The following AKAP19 variants were observed in gnomAD, a reference collection of about 807,000 sequenced individuals.
The protein encoded by AKAP19 is A-kinase anchoring protein 19, also known as small A-kinase anchoring protein.
chr2:190,106,294 G>A, the AKAP19 span, among the ~76,000 whole-genome samples: 1 of 152,172 alleles, frequency 6.6e-6, no homozygotes, highest in African/African-American at 2.4e-5. Context: ...TTTTGTCACT[G>A]GAGGTTGCTA....
chr2:190,193,092 A>G, the AKAP19 span, among the ~76,000 whole-genome samples: 14 of 152,162 alleles, frequency 9.2e-5, no homozygotes, highest in Non-Finnish European at 1.3e-4. Context: ...TCATAGGGAA[A>G]AAGTGTTGTC....
At chr2:190,196,926 A>G in the AKAP19 span, among the ~76,000 whole-genome samples, 3 of 152,120 alleles carry the variant, frequency 2.0e-5, no homozygotes, top group East Asian at 3.9e-4. Flanking sequence ...GTGTTTATCA[A>G]TCAGTCACAC....
the AKAP19 span, among the ~76,000 whole-genome samples, chr2:190,069,605 C>A: frequency 6.6e-6 from 1 of 152,054 alleles, no homozygotes; most frequent in Non-Finnish European, 1.5e-5. Flanking sequence ...TGTTTTATTT[C>A]CTTGGAATTG....
chr2:190,023,466 A>G, the AKAP19 span, among the ~76,000 whole-genome samples: 1 of 152,086 alleles, frequency 6.6e-6, no homozygotes, highest in African/African-American at 2.4e-5. Context: ...TTAAAATAAA[A>G]TCTGAAGCTT....
At chr2:190,022,904 T>C in the AKAP19 span, among the ~76,000 whole-genome samples, 1 of 152,030 alleles carries the variant, frequency 6.6e-6, no homozygotes, top group Admixed American at 6.6e-5. Context: ...ATAGGTGAGA[T>C]GTTAGAGTGG....
chr2:190,017,177 T>G, the AKAP19 span, among the ~76,000 whole-genome samples: 3 of 152,134 alleles, frequency 2.0e-5, no homozygotes, highest in South Asian at 2.1e-4. Context: ...TCCTGAAAGG[T>G]GAGGAGAGTT....
the AKAP19 span, among the ~76,000 whole-genome samples, chr2:189,929,561 T>A: frequency 1.3e-5 from 2 of 152,186 alleles, no homozygotes; most frequent in Admixed American, 6.5e-5. Context: ...TGACACTTTT[T>A]TTTTTTAATA....
chr2:190,080,971 G>A, the AKAP19 span, among the ~76,000 whole-genome samples: 6 of 152,140 alleles, frequency 3.9e-5, no homozygotes, highest in Non-Finnish European at 8.8e-5. Flanking sequence ...ATCTTCACTA[G>A]GGGATCAGGT....
the AKAP19 span, among the ~76,000 whole-genome samples, chr2:189,899,331 A>G: frequency 6.6e-6 from 1 of 152,222 alleles, no homozygotes; most frequent in Non-Finnish European, 1.5e-5. Flanking sequence ...CAGTTTGCAA[A>G]GTATTTTCAT....
the AKAP19 span, among the ~76,000 whole-genome samples, chr2:189,965,228 G>A: frequency 6.6e-6 from 1 of 152,062 alleles, no homozygotes; most frequent in Non-Finnish European, 1.5e-5. Context: ...TATTAATTAA[G>A]TTTGCCGTCT....
At chr2:189,880,636 A>G in the AKAP19 span, among the ~76,000 whole-genome samples, 1 of 152,228 alleles carries the variant, frequency 6.6e-6, no homozygotes, top group South Asian at 2.1e-4. Context: ...TTTTATCTGT[A>G]GCTATCTGCT....
chr2:190,139,834 A>G, the AKAP19 span, among the ~76,000 whole-genome samples: 2 of 152,054 alleles, frequency 1.3e-5, no homozygotes, highest in African/African-American at 4.8e-5. Context: ...TCAAAACACA[A>G]TCATGCCTTC....
At chr2:190,180,845 A>G in the AKAP19 span, 6 of 985,148 alleles carry the variant, frequency 6.1e-6, no homozygotes, top group African/African-American at 8.7e-5. The surrounding 1 kb of genome is among the most constrained non-coding windows in gnomAD (Gnocchi z 6.8). Flanking sequence ...GGCGCCGCCG[A>G]AGGACGCCCC....
chr2:190,200,392 A>G, the AKAP19 span: 7 of 428,932 alleles, frequency 1.6e-5, no homozygotes, highest in African/African-American at 9.9e-5. Flanking sequence ...GTGACACCCA[A>G]TAATCAGCTG....
chr2:189,961,929 TCA>T, the AKAP19 span, among the ~76,000 whole-genome samples: 1 of 151,298 alleles, frequency 6.6e-6, no homozygotes, highest in African/African-American at 2.4e-5. Context: ...AAAAAAAGTA[TCA>T]GACTCACCGA....
the AKAP19 span, among the ~76,000 whole-genome samples, chr2:190,028,072 C>A: frequency 6.6e-6 from 1 of 152,090 alleles, no homozygotes; most frequent in African/African-American, 2.4e-5. Flanking sequence ...CTGCACATAT[C>A]TCCCTGACTT....
At chr2:190,110,196 G>A in the AKAP19 span, among the ~76,000 whole-genome samples, 13 of 152,278 alleles carry the variant, frequency 8.5e-5, no homozygotes, top group Non-Finnish European at 1.5e-4. Flanking sequence ...ATGCTGCTTC[G>A]TAAGTGTCAC....
At chr2:190,200,075 AT>A in the AKAP19 span, 2 of 1,614,102 alleles carry the variant, frequency 1.2e-6, no homozygotes, top group Non-Finnish European at 1.7e-6. Flanking sequence ...ATCTTGTGTG[AT>A]GCCTTGCAGC....
the AKAP19 span, among the ~76,000 whole-genome samples, chr2:190,119,606 A>C: frequency 6.6e-6 from 1 of 152,138 alleles, no homozygotes; most frequent in Non-Finnish European, 1.5e-5. Flanking sequence ...TTGCATATTA[A>C]AGGTTGCCAG....
Sources: allele counts gnomAD v4.1 joint callset (sites outside exome capture counted in the v4.1 genomes callset), GRCh38; gene constraint gnomAD v4.1.1; non-coding constraint Gnocchi (gnomAD v3.1); transcripts MANE v1.5; gene names NCBI Gene and HGNC (gene_info 2026-07-23, HGNC 2026-07-21).